The following EXOC2 variants were observed in gnomAD, a reference collection of about 807,000 sequenced individuals.
The protein encoded by EXOC2 is exocyst complex component 2, also known as SEC5-like 1.
EXOC2 carries 70 observed loss-of-function variants against 131.8 expected under a neutral mutation model. That is an observed-to-expected ratio of 0.53 (90% CI 0.44 to 0.65). EXOC2 has a LOEUF of 0.65. EXOC2 is among the 30% of genes least tolerant of loss of function. The pLI, the probability that EXOC2 is intolerant of heterozygous loss-of-function variation, is 0.00. For missense variants in EXOC2, 923 were observed against 1,108.6 expected (o/e 0.83, Z 2.38); for synonymous variants, 411 against 398.4 (o/e 1.03, Z -0.38).
In EXOC2 at chr6:617,921, T is replaced by C. The variant is rs570812047; in HGVS notation, c.537-86A>G. ...TTCCTTCAGTGGAGAACACTAAATA[T>C]GCTAAAACCGATGCTAAGTAGCACA... On this transcript the variant is annotated intron_variant, in intron 5 of 27. Transcript: ENST00000230449. 13 of 1,456,342 alleles carry C rather than the reference T, an allele frequency of 8.9e-6. No individual in the cohort carries two copies. In the African/African-American group the frequency reaches 9.9e-5, roughly 11 times the overall value. 90.2% of individuals were successfully genotyped at this position (1,456,342 alleles called of 1,614,324 possible). A position where few individuals can be genotyped will look rare whatever the true frequency, so the allele number is the denominator to read the frequency against.
chr6:684,447 A>G (rs1207909435), intron 1 of EXOC2, among the ~76,000 whole-genome samples: 2 of 152,222 alleles, frequency 1.3e-5, no homozygotes, highest in Non-Finnish European at 2.9e-5. Context: ...GAAAATTACT[A>G]TTACAAAAGC....
intron 1 of EXOC2, among the ~76,000 whole-genome samples, chr6:662,945 C>T (rs560158487): frequency 1.3e-5 from 2 of 151,086 alleles, no homozygotes; most frequent in Admixed American, 6.6e-5. Context: ...GAGCCGAGAT[C>T]ACACCACTGC....
chr6:546,171 T>A (rs1756843737), intron 22 of EXOC2, among the ~76,000 whole-genome samples: 1 of 152,088 alleles, frequency 6.6e-6, no homozygotes, highest in Non-Finnish European at 1.5e-5. Context: ...AACGGTTGGA[T>A]CTTACTTTTA....
intron 1 of EXOC2, among the ~76,000 whole-genome samples, chr6:692,178 C>T (rs1764959612): frequency 6.6e-6 from 1 of 152,112 alleles, no homozygotes; most frequent in Admixed American, 6.5e-5. Context: ...TTTAAGTGTT[C>T]CTTGTAAGTT....
At position 675,575 on chromosome 6, in the gene EXOC2, GA is replaced by G. The variant is rs1195980110; in HGVS notation, c.-44+17443del. ...GTTCCCCATACTCTTCAACATTACG[GA>G]AAGGACAGCCTCCTCTGGCAACTGC... is the stretch of plus-strand genomic sequence containing the variant. On this transcript the variant is annotated intron_variant, in intron 1 of 27. Transcript: ENST00000230449. Among the ~76,000 whole-genome samples, 81 of 50,600 alleles carry G rather than the reference GA, an allele frequency of 1.6e-3. 2 individuals carry two copies. Among genetic ancestry groups the G allele is most frequent in the African/African-American group, 3.6e-3 (67 of 18,514 alleles). 33.2% of individuals were successfully genotyped at this position (50,600 alleles called of 152,430 possible).
chr6:564,440 A>G, intron 15 of EXOC2, 105 bp downstream of exon 15: 4 of 1,471,184 alleles, frequency 2.7e-6, no homozygotes, highest in Admixed American at 1.9e-5. Flanking sequence ...AAAAGGACAA[A>G]AAGAAGAAAA....
At chr6:649,262 G>A (rs1762725770) in intron 1 of EXOC2, among the ~76,000 whole-genome samples, 3 of 152,224 alleles carry the variant, frequency 2.0e-5, no homozygotes, top group Admixed American at 6.5e-5. Flanking sequence ...TGTAAGGAAA[G>A]TTAATACAGA....
intron 7 of EXOC2, among the ~76,000 whole-genome samples, chr6:608,653 A>G (rs1005413813): frequency 6.6e-6 from 1 of 152,214 alleles, no homozygotes; most frequent in South Asian, 2.1e-4. Context: ...CTTCAAAGAA[A>G]TAAAAAAAAT....
intron 1 of EXOC2, among the ~76,000 whole-genome samples, chr6:674,491 GCTATGTTGGAAA>G (rs1764019124): frequency 6.6e-6 from 1 of 152,168 alleles, no homozygotes; most frequent in Non-Finnish European, 1.5e-5. Flanking sequence ...ATGAGGGTAA[GCTATGTTGGAAA>G]CAAAGAAAAT....
At chr6:501,268 TTA>T (rs1206079669) in intron 23 of EXOC2, among the ~76,000 whole-genome samples, 1 of 12,108 alleles carries the variant, frequency 8.3e-5, no homozygotes, top group South Asian at 2.8e-3. Flanking sequence ...TATCTATATA[TTA>T]TATATATCTA....
intron 7 of EXOC2, among the ~76,000 whole-genome samples, chr6:603,448 G>T (rs1760214406): frequency 6.6e-6 from 1 of 152,160 alleles, no homozygotes; most frequent in African/African-American, 2.4e-5. Flanking sequence ...GGAGTAGATG[G>T]AACTGAGGAA....
At chr6:670,692 A>G (rs1763823763) in intron 1 of EXOC2, among the ~76,000 whole-genome samples, 2 of 152,272 alleles carry the variant, frequency 1.3e-5, no homozygotes, top group African/African-American at 4.8e-5. Context: ...TTTCTCTTTA[A>G]TCTCTGAATG....
At chr6:656,580 A>T in intron 1 of EXOC2, 1 of 1,592,674 alleles carries the variant, frequency 6.3e-7, no homozygotes, top group Non-Finnish European at 8.5e-7. Flanking sequence ...AGCGCGGCCC[A>T]GGGACGAGAC....
intron 7 of EXOC2, among the ~76,000 whole-genome samples, chr6:606,235 G>T (rs1228027559): frequency 1.3e-5 from 2 of 152,170 alleles, no homozygotes; most frequent in Non-Finnish European, 2.9e-5. Context: ...CCTGGACACA[G>T]GAAGGGGACC....
intron 10 of EXOC2, among the ~76,000 whole-genome samples, chr6:593,309 A>G (rs980484499): frequency 2.6e-5 from 4 of 152,154 alleles, no homozygotes; most frequent in African/African-American, 9.7e-5. Context: ...TTCCTTTCTG[A>G]TATGAAATAT....
At chr6:580,762 CT>C (rs1758847626) in intron 11 of EXOC2, among the ~76,000 whole-genome samples, 1 of 152,012 alleles carries the variant, frequency 6.6e-6, no homozygotes, top group Non-Finnish European at 1.5e-5. Context: ...TTCTAAAAGT[CT>C]TTTTAGCTAT....
In EXOC2 at chr6:500,128, G is replaced by A. The variant is rs576714108; in HGVS notation, c.2381-428C>T. Among the ~76,000 whole-genome samples the A allele has an allele frequency of 1.1e-4, 16 of 152,144 alleles. No homozygotes were observed. In the South Asian group the frequency reaches 3.1e-3, roughly 30 times the overall value. On this transcript the variant is annotated intron_variant, in intron 23 of 27. Coordinates refer to ENST00000230449, the MANE Select transcript of EXOC2 (RefSeq NM_018303.6). Reference sequence around the variant, plus strand: ...CACACACACACACTCAGTATAAGCAGTAACACAAAATACAGAGGGTGTTTA... The same window carrying A: ...CACACACACACACTCAGTATAAGCAATAACACAAAATACAGAGGGTGTTTA...
At chr6:567,642 CAT>C (rs1381471842) in intron 13 of EXOC2, among the ~76,000 whole-genome samples, 11 of 152,138 alleles carry the variant, frequency 7.2e-5, no homozygotes, top group South Asian at 6.2e-4. Flanking sequence ...ATGTTTCATA[CAT>C]GTCTACATAC....
chr6:649,320 A>G (rs1447801817), intron 1 of EXOC2, among the ~76,000 whole-genome samples: 1 of 152,242 alleles, frequency 6.6e-6, no homozygotes, highest in African/African-American at 2.4e-5. Context: ...CAAGAAAACT[A>G]ATAATATACA....
Sources: allele counts gnomAD v4.1 joint callset (sites outside exome capture counted in the v4.1 genomes callset), GRCh38; gene constraint gnomAD v4.1.1; transcripts MANE v1.5; gene names NCBI Gene and HGNC (gene_info 2026-07-23, HGNC 2026-07-21).